Variants in AMBRA1 observed in about 807,000 individuals in gnomAD.
AMBRA1 encodes activating molecule in BECN1-regulated autophagy protein 1.
Under a neutral mutation model 125.4 loss-of-function variants are expected in AMBRA1, and 47 were observed. The ratio of observed to expected loss-of-function variants is 0.37; its 90% CI spans 0.30 to 0.48. The LOEUF (loss-of-function observed/expected upper bound fraction) is 0.48. Among genes scored for constraint, AMBRA1 ranks in the 20% least tolerant of loss-of-function variants. The pLI is 0.99. For synonymous variants in AMBRA1, 626 were observed against 655.5 expected (o/e 0.95, Z 0.69); for missense variants, 1,331 against 1,693.4 (o/e 0.79, Z 3.76).
intron 12 of AMBRA1, among the ~76,000 whole-genome samples, chr11:46,438,325 G>T (rs557626110): frequency 7.2e-5 from 11 of 152,318 alleles, no homozygotes; most frequent in Admixed American, 6.5e-4. Context: ...AATTAGAAAT[G>T]ATTTCCAAGT....
At chr11:46,418,398 T>C (rs962128637) in intron 14 of AMBRA1, among the ~76,000 whole-genome samples, 10 of 145,960 alleles carry the variant, frequency 6.9e-5, no homozygotes, top group Admixed American at 5.6e-4. Context: ...TTATTATATA[T>C]TATATATATT....
intron 9 of AMBRA1, among the ~76,000 whole-genome samples, chr11:46,499,657 C>CT (rs528349221): frequency 5.3e-5 from 8 of 151,652 alleles, no homozygotes; most frequent in Non-Finnish European, 8.8e-5. Flanking sequence ...GGAAATTTTT[C>CT]TTTTTTTTCT....
At chr11:46,405,003 A>C (rs1945941046) in intron 17 of AMBRA1, among the ~76,000 whole-genome samples, 1 of 152,200 alleles carries the variant, frequency 6.6e-6, no homozygotes, top group African/African-American at 2.4e-5. Context: ...GCCCAGTCCC[A>C]GTAACTTGCC....
At chr11:46,578,665 C>T (rs991206413) in intron 1 of AMBRA1, among the ~76,000 whole-genome samples, 1 of 151,450 alleles carries the variant, frequency 6.6e-6, no homozygotes, top group Non-Finnish European at 1.5e-5. Context: ...GGGCGGATCA[C>T]GAGGTCAGGA....
intron 15 of AMBRA1, among the ~76,000 whole-genome samples, chr11:46,413,377 G>A (rs1946383913): frequency 6.6e-6 from 1 of 152,232 alleles, no homozygotes; most frequent in South Asian, 2.1e-4. Flanking sequence ...TCTGTGGTCA[G>A]AGAGCTGGAC....
chr11:46,551,426 C>T (rs1312787347), intron 1 of AMBRA1, among the ~76,000 whole-genome samples: 1 of 152,106 alleles, frequency 6.6e-6, no homozygotes, highest in Non-Finnish European at 1.5e-5. Flanking sequence ...AATCCTCCTG[C>T]CTCAGCCTCC....
chr11:46,545,802 T>G (rs1431802303), intron 4 of AMBRA1, 26 bp from the exon 5 acceptor site: 2 of 1,610,714 alleles, frequency 1.2e-6, no homozygotes, highest in Admixed American at 3.3e-5. Flanking sequence ...TTCCAGATAT[T>G]CTCAGGTTAC....
intron 11 of AMBRA1, among the ~76,000 whole-genome samples, chr11:46,476,672 CA>C (rs1181917920): frequency 1.3e-5 from 2 of 152,174 alleles, no homozygotes; most frequent in Admixed American, 1.3e-4. Flanking sequence ...ATAAGCTATA[CA>C]ACATTTTACC....
intron 14 of AMBRA1, among the ~76,000 whole-genome samples, chr11:46,425,785 G>A (rs1189592631): frequency 6.6e-6 from 1 of 150,638 alleles, no homozygotes; most frequent in Non-Finnish European, 1.5e-5. Context: ...GTTGCAGTGA[G>A]CCGAGATCGT....
At chr11:46,414,458 T>G (rs1245743016) in intron 15 of AMBRA1, among the ~76,000 whole-genome samples, 1 of 152,190 alleles carries the variant, frequency 6.6e-6, no homozygotes, top group Non-Finnish European at 1.5e-5. Context: ...AGATGCCCCA[T>G]AGTCTCAGCC....
At chr11:46,543,885 G>GAATTA in intron 6 of AMBRA1, 90 bp downstream of exon 6, 1 of 1,078,274 alleles carries the variant, frequency 9.3e-7, no homozygotes, top group Non-Finnish European at 1.4e-6. Flanking sequence ...TGGGTATTGA[G>GAATTA]AATTAAAATC....
intron 1 of AMBRA1, among the ~76,000 whole-genome samples, chr11:46,569,777 A>G (rs1565308661): frequency 6.6e-6 from 1 of 151,174 alleles, no homozygotes; most frequent in Admixed American, 6.6e-5. Flanking sequence ...ATGGCTGGTC[A>G]TGAGAGAAAT....
At chr11:46,492,419 C>T (rs1950495615) in intron 11 of AMBRA1, among the ~76,000 whole-genome samples, 1 of 152,170 alleles carries the variant, frequency 6.6e-6, no homozygotes, top group African/African-American at 2.4e-5. Context: ...TAGATCCCTC[C>T]CCACCTTTAA....
chr11:46,592,523 C>T (rs551072795), intron 1 of AMBRA1, among the ~76,000 whole-genome samples: 1 of 152,124 alleles, frequency 6.6e-6, no homozygotes, highest in African/African-American at 2.4e-5. Flanking sequence ...TTTGAGAGGC[C>T]GACGTGGACG....
intron 15 of AMBRA1, among the ~76,000 whole-genome samples, chr11:46,412,724 T>A (rs1237101086): frequency 6.6e-6 from 1 of 152,190 alleles, no homozygotes; most frequent in East Asian, 1.9e-4. Flanking sequence ...ACAGCCATTT[T>A]TGTGGGGTTT....
At chr11:46,415,466 T>C (rs1392125913) in intron 15 of AMBRA1, among the ~76,000 whole-genome samples, 1 of 152,196 alleles carries the variant, frequency 6.6e-6, no homozygotes, top group Non-Finnish European at 1.5e-5. Flanking sequence ...CTCTGGATAG[T>C]AAAGTGAGGA....
intron 14 of AMBRA1, among the ~76,000 whole-genome samples, chr11:46,423,364 T>C (rs1946940913): frequency 6.6e-6 from 1 of 152,128 alleles, no homozygotes; most frequent in Admixed American, 6.5e-5. Context: ...CACAAAATGT[T>C]GATGTAATTT....
intron 11 of AMBRA1, among the ~76,000 whole-genome samples, chr11:46,456,887 C>T (rs1296943558): frequency 1.3e-5 from 2 of 152,174 alleles, no homozygotes; most frequent in Non-Finnish European, 2.9e-5. Flanking sequence ...TCAGCAGCAC[C>T]AGTCCCCACC....
chr11:46,497,812 A>C (rs1466232763), intron 9 of AMBRA1, among the ~76,000 whole-genome samples: 1 of 152,216 alleles, frequency 6.6e-6, no homozygotes, highest in Non-Finnish European at 1.5e-5. Context: ...AAATAACTAA[A>C]GGCAGAAACA....
Sources: allele counts gnomAD v4.1 joint callset (sites outside exome capture counted in the v4.1 genomes callset), GRCh38; gene constraint gnomAD v4.1.1; transcripts MANE v1.5; gene names NCBI Gene and HGNC (gene_info 2026-07-23, HGNC 2026-07-21).